PVR: variants seen among roughly 807,000 people sequenced by gnomAD.
PVR encodes the protein poliovirus receptor.
Under a neutral mutation model 43.3 loss-of-function variants are expected in PVR, and 39 were observed. That is an observed-to-expected ratio of 0.90 (90% confidence interval 0.70 to 1.18). PVR has a LOEUF of 1.18. Ranked by LOEUF, PVR falls within the 50% of genes most tolerant of loss-of-function variation. The pLI is 0.00. For synonymous variants in PVR, 224 were observed against 233.2 expected, an observed-to-expected ratio of 0.96 and a Z score of 0.36; for missense variants, 480 against 549.7, an observed-to-expected ratio of 0.87 and a Z score of 1.27.
intron 2 of PVR, among the ~76,000 whole-genome samples, chr19:44,648,894 T>C (rs924449171): frequency 2.6e-5 from 4 of 152,072 alleles, no homozygotes; most frequent in African/African-American, 9.7e-5. Context: ...CGGTAAATAA[T>C]ATAGGTAATG....
rs1186442610 is a variant in PVR at position 44,665,770 on chromosome 19, G to C, written c.*3959G>C. The C allele has an allele frequency of 6.6e-6, 1 of 152,318 alleles. No homozygotes were observed. Among genetic ancestry groups the C allele is most frequent in the Non-Finnish European group, 1.5e-5 (1 of 68,200 alleles). 9.4% of individuals were successfully genotyped at this position (152,318 alleles called of 1,614,324 possible). A position where few individuals can be genotyped will look rare whatever the true frequency, so the allele number is the denominator to read the frequency against. On this transcript the variant is annotated 3_prime_UTR_variant, in exon 8 of 8. Transcript: ENST00000425690. Reference sequence around the variant, plus strand: ...GGCATCACCCTCTGGTGCCAAGATGGCTGCTGCATTCCAGGCATCACATCC... The same window carrying C: ...GGCATCACCCTCTGGTGCCAAGATGCCTGCTGCATTCCAGGCATCACATCC...
chr19:44,646,707 G>T (rs936089663), intron 1 of PVR, among the ~76,000 whole-genome samples: 5 of 152,150 alleles, frequency 3.3e-5, no homozygotes, highest in Admixed American at 1.3e-4. Flanking sequence ...CAGAGGCAGA[G>T]CTTGCAGTGA....
At position 44,658,805 on chromosome 19, in the gene PVR, TC is replaced by T; in HGVS notation, c.1057del (p.Leu353TrpfsTer4). ...GCCATCATCTTCCTGGTTCTGGGAATCCTGGTTTTTCTGATCCTGCTGGGGA... is the reference window on the plus strand; with the variant it reads ...GCCATCATCTTCCTGGTTCTGGGAATCTGGTTTTTCTGATCCTGCTGGGGA... ...RNAIIFLVLG[I>X]LVFLILLGIG... On this transcript the variant is annotated frameshift_variant, in exon 6 of 8. Transcript: ENST00000425690. LOFTEE classifies it high-confidence loss of function. 1 of 1,613,642 alleles carries T rather than the reference TC, an allele frequency of 6.2e-7. No individual in the cohort carries two copies.
Position 44,659,972 on chromosome 19 carries a change from G to T in PVR, c.1150+1072G>T, listed in dbSNP as rs1037656703. Among the ~76,000 whole-genome samples the T allele has an allele frequency of 6.6e-5, 10 of 152,290 alleles. No individual in the cohort carries two copies. The South Asian group carries it at 2.1e-3, about 32-fold the overall frequency. Reference sequence around the variant, plus strand: ...GCTTTTCCTTCAACCACTAAACAAAGCTGCTCCCTTACAACCCAGGCGGAT... The same window carrying T: ...GCTTTTCCTTCAACCACTAAACAAATCTGCTCCCTTACAACCCAGGCGGAT... On this transcript the variant is annotated intron_variant, in intron 6 of 7. Transcript: ENST00000425690.
Position 44,654,243 on chromosome 19 carries a change from CCCT to C in PVR, c.842+227_842+229del, listed in dbSNP as rs1197701336. On this transcript the variant is annotated intron_variant, in intron 4 of 7. Transcript: ENST00000425690. Reference sequence around the variant, plus strand: ...GAGAGAGGAGGGGCTGGGCCTGGACCCCTGGGTCTGAGGGAGGAGGGGCTGGGG... The same window carrying C: ...GAGAGAGGAGGGGCTGGGCCTGGACCGGGTCTGAGGGAGGAGGGGCTGGGG... 8.0e-4 allele frequency among the ~76,000 whole-genome samples: 86 copies of C among 107,624 alleles called. 1 individual carries two copies. The highest frequency in any genetic ancestry group is 4.8e-3 in the African/African-American group (79 of 16,366). The allele number at this position is 107,624 out of a possible 152,430, so 70.6% of individuals were successfully genotyped here.
Position 44,647,301 on chromosome 19 carries a change from T to G in PVR, c.158T>G (p.Val53Gly), listed in dbSNP as rs1973151043. Reference protein sequence around the residue: ...DSVTLPCYLQVPNMEVTHVSQ... With the variant: ...DSVTLPCYLQGPNMEVTHVSQ... ...GTGACGCTGCCCTGCTACCTACAGG[T>G]GCCCAACATGGAGGTGACGCATGTG... The change falls in exon 2 of 8, where the codon GTG becomes GGG. Residue 53 changes from valine (V) to glycine (G), a missense_variant. Val to Gly is a moderately radical substitution (Grantham distance 109, BLOSUM62 -3). Coordinates refer to ENST00000425690, the MANE Select transcript of PVR (RefSeq NM_006505.5). The G allele has an allele frequency of 6.2e-7, 1 of 1,600,002 alleles. No homozygotes were observed. The highest frequency in any genetic ancestry group is 1.7e-5 in the Admixed American group (1 of 57,756).
intron 3 of PVR, 87 bp from the exon 4 acceptor site, chr19:44,653,813 C>T (rs1973350305): frequency 3.4e-6 from 3 of 879,532 alleles, no homozygotes; most frequent in Non-Finnish European, 5.7e-6. Flanking sequence ...TATCCCCGGG[C>T]CTTTTCCTGC....
At chr19:44,655,863 CTTT>C (rs11349440) in intron 4 of PVR, among the ~76,000 whole-genome samples, 42 of 81,964 alleles carry the variant, frequency 5.1e-4, no homozygotes, top group African/African-American at 1.9e-3. Context: ...AGCTCTCCTG[CTTT>C]TTTTTTTTTT....
In PVR at chr19:44,653,924, G is replaced by C. The variant is rs1437417985; in HGVS notation, c.749G>C (p.Gly250Ala). The change falls in exon 4 of 8, where the codon GGC becomes GCC. Residue 250 changes from glycine (G) to alanine (A), a missense_variant. Coordinates refer to ENST00000425690, the MANE Select transcript of PVR (RefSeq NM_006505.5). ...VYYPPEVSIS[G>A]YDNNWYLGQN... ...GACCCCCCAGAGGTATCCATCTCTG[G>C]CTATGATAACAACTGGTACCTTGGC... The C allele has an allele frequency of 6.2e-7, 1 of 1,614,042 alleles. No homozygotes were observed. Among genetic ancestry groups the C allele is most frequent in the Non-Finnish European group, 8.5e-7 (1 of 1,179,860 alleles).
Position 44,662,199 on chromosome 19 carries a change from GC to G in PVR, c.*389del. On this transcript the variant is annotated 3_prime_UTR_variant, in exon 8 of 8. Transcript: ENST00000425690. ...TTCTCACAGCAACATGTGACAACAT[GC>G]AAGAAGTACTGCCAATACTGCCAAC... The G allele has an allele frequency of 4.5e-6, 1 of 223,288 alleles. No individual in the cohort carries two copies. 13.8% of individuals were successfully genotyped at this position (223,288 alleles called of 1,614,324 possible).
chr19:44,645,415 G>GTGTGTATATATATATA (rs1255385112), intron 1 of PVR, among the ~76,000 whole-genome samples: 1 of 83,822 alleles, frequency 1.2e-5, no homozygotes, highest in African/African-American at 5.7e-5. Flanking sequence ...TATGTTTTGT[G>GTGTGTATATATATATA]TATATATATA....
chr19:44,645,045 T>G (rs1436288616), intron 1 of PVR, among the ~76,000 whole-genome samples: 12 of 111,124 alleles, frequency 1.1e-4, no homozygotes, highest in Non-Finnish European at 1.7e-5. Context: ...TAATATATAA[T>G]AAAATATATA....
chr19:44,644,719 CTT>C (rs11362724), intron 1 of PVR, among the ~76,000 whole-genome samples: 17 of 135,892 alleles, frequency 1.3e-4, no homozygotes, highest in Non-Finnish European at 2.1e-4. Flanking sequence ...TTCTTTCATT[CTT>C]TTTTTTTTTT....
intron 3 of PVR, among the ~76,000 whole-genome samples, chr19:44,653,140 G>T (rs1973328186): frequency 6.6e-6 from 1 of 152,016 alleles, no homozygotes; most frequent in South Asian, 2.1e-4. Context: ...TATATGTGGG[G>T]GTGATCTCAC....
At position 44,665,147 on chromosome 19, in the gene PVR, G is replaced by GT. The variant is rs1973679864; in HGVS notation, c.*3336_*3337insT. 6.6e-6 allele frequency: 1 copy of GT among 150,862 alleles called. No homozygotes were observed. Among genetic ancestry groups the GT allele is most frequent in the African/African-American group, 2.4e-5 (1 of 41,354 alleles). 9.3% of individuals were successfully genotyped at this position (150,862 alleles called of 1,614,324 possible). On this transcript the variant is annotated 3_prime_UTR_variant, in exon 8 of 8. Coordinates refer to ENST00000425690, the MANE Select transcript of PVR (RefSeq NM_006505.5). ...AAGAAAACCGCAACTATCCTTATCA[G>GT]AGACTTGGCGGGGGGCAGGGTATGA...
intron 3 of PVR, among the ~76,000 whole-genome samples, chr19:44,652,385 T>TTTTGTTTTTTTG (rs1367439579): frequency 6.6e-6 from 1 of 151,410 alleles, no homozygotes; most frequent in Non-Finnish European, 1.5e-5. Context: ...TTGTTTTTGT[T>TTTTGTTTTTTTG]TTTGTTTTTT....
At chr19:44,661,200 G>T in intron 6 of PVR, 92 bp from the exon 7 acceptor site, 1 of 1,255,738 alleles carries the variant, frequency 8.0e-7, no homozygotes, top group South Asian at 1.2e-5. Flanking sequence ...GGCAGAACTT[G>T]ACATTTTCAG....
rs1599756075 is a variant in PVR at position 44,645,143 on chromosome 19, T to TAATATA, written c.79+968_79+969insAATATA. On this transcript the variant is annotated intron_variant, in intron 1 of 7. Coordinates refer to ENST00000425690, the MANE Select transcript of PVR (RefSeq NM_006505.5). ...AATATATTATAATATATTATATATA[T>TAATATA]TATTATAATATATAATATGTATATT... Among the ~76,000 whole-genome samples the TAATATA allele has an allele frequency of 3.2e-4, 12 of 37,342 alleles. 1 individual carries two copies. Among genetic ancestry groups the TAATATA allele is most frequent in the African/African-American group, 2.0e-3 (11 of 5,412 alleles). The allele number at this position is 37,342 out of a possible 152,430, so 24.5% of individuals were successfully genotyped here.
Position 44,643,937 on chromosome 19 carries a change from G to A in PVR, c.-160G>A. On this transcript the variant is annotated 5_prime_UTR_variant, in exon 1 of 8. Coordinates refer to ENST00000425690, the MANE Select transcript of PVR (RefSeq NM_006505.5). The stretch of plus-strand genomic sequence containing the variant: ...TCACTTGTCTGGAGCTTGAAGAAGT[G>A]GGTATTCCCCTTCCCACCCCAGGCA... 1.8e-6 allele frequency: 1 copy of A among 561,662 alleles called. No homozygotes were observed. Among genetic ancestry groups the A allele is most frequent in the African/African-American group, 2.0e-5 (1 of 49,652 alleles). 34.8% of individuals were successfully genotyped at this position (561,662 alleles called of 1,614,324 possible).
Sources: gnomAD v4.1 joint callset for allele counts (sites outside exome capture counted in the v4.1 genomes callset) on GRCh38, gnomAD v4.1.1 for gene constraint, MANE v1.5 for transcripts, NCBI Gene and HGNC (gene_info 2026-07-23, HGNC 2026-07-21) for gene names.